Variants in GPC6 observed in about 807,000 individuals in gnomAD.
The protein encoded by GPC6 is glypican 6.
Under a neutral mutation model 55.2 loss-of-function variants are expected in GPC6, and 14 were observed. The observed-to-expected ratio is 0.25, with a 90% CI of 0.17 to 0.40. GPC6 has a LOEUF of 0.40. GPC6 is among the 10% of genes least tolerant of loss of function. The pLI is 1.00. For synonymous variants in GPC6, 278 were observed against 259.6 expected (o/e 1.07, Z -0.68); for missense variants, 641 against 708.5 (o/e 0.90, Z 1.08).
rs543468094 is a variant in GPC6, at chr13:94,140,545, G to A, written c.877+112651G>A. On this transcript the variant is annotated intron_variant, in intron 4 of 8. Coordinates refer to ENST00000377047, the MANE Select transcript of GPC6 (RefSeq NM_005708.5). Reference sequence around the variant, plus strand: ...GGCTCAGTTAATCCTCACAAAAATAGCTGGGAACTGTAATGTCCCTGTCTT... The same window carrying A: ...GGCTCAGTTAATCCTCACAAAAATAACTGGGAACTGTAATGTCCCTGTCTT... Among the ~76,000 whole-genome samples the A allele has an allele frequency of 5.1e-4, 78 of 152,282 alleles. 1 individual carries two copies. The highest frequency in any genetic ancestry group is 1.8e-3 in the African/African-American group (76 of 41,578).
At chr13:93,839,358 C>T (rs948322832) in intron 3 of GPC6, among the ~76,000 whole-genome samples, 2 of 152,106 alleles carry the variant, frequency 1.3e-5, no homozygotes, top group South Asian at 4.2e-4. Flanking sequence ...TCACATTGCT[C>T]TGACACCATC....
At chr13:94,266,231 C>T (rs969593585) in intron 4 of GPC6, among the ~76,000 whole-genome samples, 5 of 151,276 alleles carry the variant, frequency 3.3e-5, no homozygotes, top group Non-Finnish European at 7.4e-5. Flanking sequence ...TGCAGTGGCA[C>T]GATCTTGGCT....
intron 1 of GPC6, among the ~76,000 whole-genome samples, chr13:93,276,691 G>A (rs576716369): frequency 3.9e-5 from 6 of 152,188 alleles, no homozygotes; most frequent in Admixed American, 2.0e-4. Flanking sequence ...GGTGCATGGA[G>A]CCACCAGGCA....
intron 2 of GPC6, among the ~76,000 whole-genome samples, chr13:93,760,896 A>G (rs1449020021): frequency 6.6e-6 from 1 of 152,206 alleles, no homozygotes; most frequent in Non-Finnish European, 1.5e-5. Context: ...AAGCACTAAA[A>G]TATGTAAATT....
At chr13:93,655,016 T>TTC (rs1261024054) in intron 2 of GPC6, among the ~76,000 whole-genome samples, 1 of 124,280 alleles carries the variant, frequency 8.0e-6, no homozygotes. Flanking sequence ...TTTTTTTTTT[T>TTC]TTTTTTTGTA....
intron 1 of GPC6, among the ~76,000 whole-genome samples, chr13:93,359,519 A>G (rs1880973153): frequency 6.6e-6 from 1 of 152,208 alleles, no homozygotes; most frequent in Non-Finnish European, 1.5e-5. Flanking sequence ...TGTTTATAAT[A>G]AATATACATA....
In GPC6 at chr13:94,305,828, T is replaced by G; in HGVS notation, c.1009-152T>G. ...TGGGTAATTCTTTCTGTTATATTAG[T>G]GGTTATACTTGTTTACATTTCAAAA... On this transcript the variant is annotated intron_variant, in intron 5 of 8. Transcript: ENST00000377047. The G allele has an allele frequency of 6.6e-6, 5 of 757,836 alleles. No individual in the cohort carries two copies. The Admixed American group carries it at 9.2e-5, about 14-fold the overall frequency. 46.9% of individuals were successfully genotyped at this position (757,836 alleles called of 1,614,324 possible).
At chr13:93,378,354 C>A (rs1024400752) in intron 1 of GPC6, among the ~76,000 whole-genome samples, 4 of 152,150 alleles carry the variant, frequency 2.6e-5, no homozygotes, top group Non-Finnish European at 4.4e-5. Flanking sequence ...TCTTCTATGA[C>A]AACATGATGC....
At chr13:93,773,435 TTC>T (rs1885364795) in intron 2 of GPC6, among the ~76,000 whole-genome samples, 1 of 152,168 alleles carries the variant, frequency 6.6e-6, no homozygotes, top group Non-Finnish European at 1.5e-5. Flanking sequence ...GGAATGTCTA[TTC>T]AGCTTCAGTA....
chr13:93,446,069 A>T (rs1201033363), intron 1 of GPC6, among the ~76,000 whole-genome samples: 3 of 152,250 alleles, frequency 2.0e-5, no homozygotes, highest in Non-Finnish European at 2.9e-5. Flanking sequence ...TGATTGAAAG[A>T]AATCTTCTTG....
intron 4 of GPC6, among the ~76,000 whole-genome samples, chr13:94,262,403 T>C (rs1891680680): frequency 6.6e-6 from 1 of 151,998 alleles, no homozygotes; most frequent in East Asian, 1.9e-4. Context: ...CCGGGTGCAG[T>C]GACTCACACC....
chr13:93,856,973 G>A lies in GPC6; in HGVS notation c.711+26428G>A, dbSNP rs1167706313. On this transcript the variant is annotated intron_variant, in intron 3 of 8. Coordinates refer to ENST00000377047, the MANE Select transcript of GPC6 (RefSeq NM_005708.5). ...CCTTTTCTCATTGCCACTGTCTGGT[G>A]CCTATTTCTTGTTGTAGATTCTTAT... Among the ~76,000 whole-genome samples, 5 of 151,666 alleles carry A rather than the reference G, an allele frequency of 3.3e-5. No individual in the cohort carries two copies. In the East Asian group the frequency reaches 9.8e-4, roughly 30 times the overall value.
At chr13:93,731,572 A>G (rs1351757926) in intron 2 of GPC6, among the ~76,000 whole-genome samples, 1 of 152,184 alleles carries the variant, frequency 6.6e-6, no homozygotes, top group Non-Finnish European at 1.5e-5. Flanking sequence ...TATCAAATGT[A>G]TTGTATATAC....
chr13:93,979,101 A>C (rs2140402514), intron 3 of GPC6, among the ~76,000 whole-genome samples: 1 of 152,284 alleles, frequency 6.6e-6, no homozygotes. Context: ...AACACTATCC[A>C]ATAGAACTTT....
At chr13:93,874,052 T>A (rs1889214360) in intron 3 of GPC6, among the ~76,000 whole-genome samples, 1 of 151,932 alleles carries the variant, frequency 6.6e-6, no homozygotes, top group African/African-American at 2.4e-5. Context: ...GCAGCCAGAT[T>A]TTAAAAAGCT....
At chr13:93,223,630 G>C (rs1020420527), upstream of GPC6, among the ~76,000 whole-genome samples, 1 of 152,028 alleles carries the variant, frequency 6.6e-6, no homozygotes, top group African/African-American at 2.4e-5. Flanking sequence ...TTTTAGTAGA[G>C]AAGGGGTTTC....
Position 93,227,460 on chromosome 13 carries a change from C to A in GPC6, c.4C>A (p.Pro2Thr), listed in dbSNP as rs1875831772. 1.2e-6 allele frequency: 2 copies of A among 1,613,678 alleles called. No homozygotes were observed. The highest frequency in any genetic ancestry group is 1.7e-6 in the Non-Finnish European group (2 of 1,179,784). The change falls in exon 1 of 9, where the codon CCT becomes ACT. Residue 2 changes from proline to threonine, a missense_variant. Physicochemically the swap from Pro to Thr is conservative, Grantham distance 38. Transcript: ENST00000377047. The surrounding 1 kb of genome is among the most constrained non-coding windows in gnomAD (Gnocchi z 4.3). ...AGCTGGATTTGTATGTTGCACCATG[C>A]CTTCTTGGATCGGGGCTGTGATTCT... M[P>T]SWIGAVILPL... is the part of the protein sequence containing the mutation.
At chr13:93,451,529 C>T (rs1878222626) in intron 1 of GPC6, among the ~76,000 whole-genome samples, 1 of 152,112 alleles carries the variant, frequency 6.6e-6, no homozygotes, top group Non-Finnish European at 1.5e-5. Flanking sequence ...TCAGTTTTCA[C>T]ACATAAAATT....
chr13:93,564,216 T>C (rs1400338549), intron 2 of GPC6, among the ~76,000 whole-genome samples: 1 of 152,124 alleles, frequency 6.6e-6, no homozygotes, highest in Non-Finnish European at 1.5e-5. Flanking sequence ...GAGTAACCTT[T>C]ATTTCATTAA....
Sources: allele counts gnomAD v4.1 joint callset (sites outside exome capture counted in the v4.1 genomes callset), GRCh38; gene constraint gnomAD v4.1.1; non-coding constraint Gnocchi (gnomAD v3.1); transcripts MANE v1.5; gene names NCBI Gene and HGNC (gene_info 2026-07-23, HGNC 2026-07-21).